The following BMPR1A variants were observed in gnomAD, a reference collection of about 807,000 sequenced individuals.
BMPR1A encodes bone morphogenetic protein receptor type-1A.
BMPR1A carries 7 observed loss-of-function variants against 66.0 expected under a neutral mutation model. The ratio of observed to expected loss-of-function variants is 0.11; its 90% CI spans 0.06 to 0.20. The LOEUF is 0.20. Ranked by LOEUF, BMPR1A falls within the 10% of genes least tolerant of loss-of-function variation. BMPR1A has a pLI of 1.00. For synonymous variants in BMPR1A, 200 were observed against 229.7 expected (o/e 0.87, Z 1.17); for missense variants, 408 against 669.1 (o/e 0.61, Z 4.31).
intron 1 of BMPR1A, among the ~76,000 whole-genome samples, chr10:86,765,608 T>C (rs1841149694): frequency 6.6e-6 from 1 of 152,132 alleles, no homozygotes; most frequent in Non-Finnish European, 1.5e-5. Context: ...GTATATTAGA[T>C]TTCTTTACTA....
intron 1 of BMPR1A, among the ~76,000 whole-genome samples, chr10:86,795,689 C>T (rs979326208): frequency 2.0e-5 from 3 of 151,976 alleles, no homozygotes; most frequent in African/African-American, 2.4e-5. Context: ...AACAGGGCCC[C>T]GAAGAGTACC....
In BMPR1A at chr10:86,791,861, A is replaced by G. The variant is rs556718622; in HGVS notation, c.-268+34942A>G. Among the ~76,000 whole-genome samples, 411 of 147,442 alleles carry G rather than the reference A, an allele frequency of 2.8e-3. 2 individuals carry two copies. The highest frequency in any genetic ancestry group is 4.0e-3 in the Non-Finnish European group (269 of 67,248). Reference sequence around the variant, plus strand: ...TCAGCCTTCCCGAGTAGCTGGGACTACAGATGTGTGCCACCATGCCTGGCT... The same window carrying G: ...TCAGCCTTCCCGAGTAGCTGGGACTGCAGATGTGTGCCACCATGCCTGGCT... On this transcript the variant is annotated intron_variant, in intron 1 of 12. Coordinates refer to ENST00000372037, the MANE Select transcript of BMPR1A (RefSeq NM_004329.3).
At chr10:86,809,797 C>G (rs1184754526) in intron 1 of BMPR1A, among the ~76,000 whole-genome samples, 1 of 151,910 alleles carries the variant, frequency 6.6e-6, no homozygotes, top group Non-Finnish European at 1.5e-5. Flanking sequence ...TCCTTCCTTC[C>G]TGCCCCTGGT....
chr10:86,801,478 C>T (rs2132864384), intron 1 of BMPR1A, among the ~76,000 whole-genome samples: 1 of 152,272 alleles, frequency 6.6e-6, no homozygotes, highest in Non-Finnish European at 1.5e-5. Context: ...CTAGTTAGCT[C>T]TGTTTGTGTA....
chr10:86,906,011 C>A (rs1360685228), intron 7 of BMPR1A, among the ~76,000 whole-genome samples: 2 of 152,118 alleles, frequency 1.3e-5, no homozygotes, highest in Non-Finnish European at 2.9e-5. Context: ...TCATTTGATA[C>A]CATATTCCTT....
At chr10:86,822,190 G>A (rs1472392132) in intron 1 of BMPR1A, among the ~76,000 whole-genome samples, 2 of 152,080 alleles carry the variant, frequency 1.3e-5, no homozygotes, top group Non-Finnish European at 2.9e-5. Flanking sequence ...CATGTGTCAT[G>A]TATTTATATA....
At chr10:86,778,517 T>C (rs1040047672) in intron 1 of BMPR1A, among the ~76,000 whole-genome samples, 1 of 152,158 alleles carries the variant, frequency 6.6e-6, no homozygotes, top group African/African-American at 2.4e-5. Flanking sequence ...GCCAAAAGAT[T>C]GGATACCCCT....
At chr10:86,865,046 G>A (rs1209847480) in intron 2 of BMPR1A, among the ~76,000 whole-genome samples, 4 of 150,670 alleles carry the variant, frequency 2.7e-5, no homozygotes, top group Non-Finnish European at 5.9e-5. Flanking sequence ...ATAAGAAGGC[G>A]GGAATGTCAG....
At chr10:86,779,355 T>C in intron 1 of BMPR1A, among the ~76,000 whole-genome samples, 1 of 152,204 alleles carries the variant, frequency 6.6e-6, no homozygotes, top group Non-Finnish European at 1.5e-5. Context: ...TTCCCACCAA[T>C]AAAGTGTAAG....
intron 2 of BMPR1A, among the ~76,000 whole-genome samples, chr10:86,870,873 C>T (rs1347196060): frequency 1.3e-5 from 2 of 152,006 alleles, no homozygotes; most frequent in African/African-American, 2.4e-5. Flanking sequence ...ATTCTGCTTA[C>T]TCATCTGTTT....
At chr10:86,868,919 T>C (rs938196884) in intron 2 of BMPR1A, among the ~76,000 whole-genome samples, 5 of 152,176 alleles carry the variant, frequency 3.3e-5, no homozygotes, top group Non-Finnish European at 7.3e-5. Context: ...AAAGAAACAG[T>C]ACCAGTCTGT....
At position 86,756,783 on chromosome 10, in the gene BMPR1A, C is replaced by A. The variant is rs1847875009; in HGVS notation, c.-404C>A. ...TCCGCGCGCGGCGAAGATCGCACGGCCCGATCGAGGGGCGACCGGGTCGGG... is the reference window on the plus strand; with the variant it reads ...TCCGCGCGCGGCGAAGATCGCACGGACCGATCGAGGGGCGACCGGGTCGGG... On this transcript the variant is annotated 5_prime_UTR_variant, in exon 1 of 13. Coordinates refer to ENST00000372037, the MANE Select transcript of BMPR1A (RefSeq NM_004329.3). 1 of 151,272 alleles carries A rather than the reference C, an allele frequency of 6.6e-6. No individual in the cohort carries two copies. 9.4% of individuals were successfully genotyped at this position (151,272 alleles called of 1,614,324 possible). A position where few individuals can be genotyped will look rare whatever the true frequency, so the allele number is the denominator to read the frequency against.
intron 2 of BMPR1A, among the ~76,000 whole-genome samples, chr10:86,845,547 A>G (rs1396986144): frequency 6.6e-6 from 1 of 152,174 alleles, no homozygotes; most frequent in Non-Finnish European, 1.5e-5. Context: ...CATGCCACAT[A>G]GACCTGCCCA....
chr10:86,858,840 C>G (rs769734753), intron 2 of BMPR1A, among the ~76,000 whole-genome samples: 1 of 152,068 alleles, frequency 6.6e-6, no homozygotes, highest in African/African-American at 2.4e-5. Context: ...GTGAAAATGA[C>G]CATACTACCA....
At chr10:86,854,586 C>A (rs1012357130) in intron 2 of BMPR1A, 3 of 155,638 alleles carry the variant, frequency 1.9e-5, no homozygotes, top group African/African-American at 7.2e-5. Flanking sequence ...GCCAGTCCCT[C>A]CGTTTGGGGT....
intron 1 of BMPR1A, among the ~76,000 whole-genome samples, chr10:86,787,749 A>G (rs1841536898): frequency 6.6e-6 from 1 of 152,158 alleles, no homozygotes; most frequent in Admixed American, 6.6e-5. Context: ...GGAAACTTAC[A>G]ATCATGGCAG....
chr10:86,772,891 C>T (rs945002635), intron 1 of BMPR1A, among the ~76,000 whole-genome samples: 4 of 152,054 alleles, frequency 2.6e-5, no homozygotes, highest in African/African-American at 9.7e-5. Flanking sequence ...TAAAAATCCC[C>T]TGTATTTATA....
At chr10:86,810,143 GTAT>G (rs917469312) in intron 1 of BMPR1A, among the ~76,000 whole-genome samples, 4 of 151,532 alleles carry the variant, frequency 2.6e-5, no homozygotes, top group African/African-American at 7.3e-5. Flanking sequence ...ACTAATTTTT[GTAT>G]TATTATTATT....
At chr10:86,818,807 AT>A (rs1300621299) in intron 1 of BMPR1A, among the ~76,000 whole-genome samples, 1 of 152,154 alleles carries the variant, frequency 6.6e-6, no homozygotes, top group East Asian at 1.9e-4. Flanking sequence ...CACCCACTTT[AT>A]TTGACTCCAT....
Sources: allele counts gnomAD v4.1 joint callset (sites outside exome capture counted in the v4.1 genomes callset), GRCh38; gene constraint gnomAD v4.1.1; transcripts MANE v1.5; gene names NCBI Gene and HGNC (gene_info 2026-07-23, HGNC 2026-07-21).